Variants in TES observed in about 807,000 individuals in gnomAD.
TES encodes the protein testin.
Under a neutral mutation model 48.2 loss-of-function variants are expected in TES, and 41 were observed. That is an observed-to-expected ratio of 0.85 (90% CI 0.66 to 1.10). The LOEUF is 1.10. Among genes scored for constraint, TES ranks in the 50% least tolerant of loss-of-function variants. The pLI is 0.00. For missense variants in TES, 463 were observed against 515.1 expected (o/e 0.90, Z 0.98); for synonymous variants, 162 against 174.9 (o/e 0.93, Z 0.58).
chr7:116,255,240 G>T (rs1489764690), intron 6 of TES: 1 of 152,094 alleles, frequency 6.6e-6, no homozygotes, highest in African/African-American at 2.4e-5. Flanking sequence ...TACATCCTGT[G>T]TACAAATAAG....
At chr7:116,254,073 A>G (rs1373927473) in intron 6 of TES, among the ~76,000 whole-genome samples, 2 of 152,146 alleles carry the variant, frequency 1.3e-5, no homozygotes, top group South Asian at 2.1e-4. Context: ...TCAAATCACC[A>G]TGTAACCTGA....
chr7:116,218,434 T>C (rs1171883295), intron 1 of TES, among the ~76,000 whole-genome samples: 2 of 152,118 alleles, frequency 1.3e-5, no homozygotes, highest in African/African-American at 2.4e-5. Flanking sequence ...AAAATGACCA[T>C]GTAGATGTTA....
At position 116,251,882 on chromosome 7, in the gene TES, G is replaced by T; in HGVS notation, c.825G>T (p.Leu275=). 1 of 1,614,108 alleles carries T rather than the reference G, an allele frequency of 6.2e-7. No individual in the cohort carries two copies. Among genetic ancestry groups the T allele is most frequent in the Non-Finnish European group, 8.5e-7 (1 of 1,180,030 alleles). ...CFVCSTCHEL[L]VDMIYFWKNE... ...TCTGCAGCACCTGCCATGAACTCCT[G>T]GTTGACATGATTTATTTTTGGAAGA... is the stretch of plus-strand genomic sequence containing the variant. The change falls in exon 5 of 7, where the codon CTG becomes CTT. Residue 275 remains leucine, a synonymous_variant. Transcript: ENST00000358204.
rs774769804 is a variant in TES, at chr7:116,252,417, T to C, written c.1018T>C (p.Tyr340His). 33 of 1,614,116 alleles carry C rather than the reference T, an allele frequency of 2.0e-5. No individual in the cohort carries two copies. Among genetic ancestry groups the C allele is most frequent in the Non-Finnish European group, 2.4e-5 (28 of 1,180,040 alleles). ...DCDSILAGEI[Y>H]VMVNDKPVCK... ...TGATAGCATTCTAGCTGGGGAGATA[T>C]ACGTGATGGTCAATGACAAGCCCGT... Residue 340 changes from tyrosine to histidine, a missense_variant, in exon 6 of 7, where the codon TAC (tyrosine) becomes CAC (histidine). Transcript: ENST00000358204.
At chr7:116,231,179 C>A (rs896063210) in intron 1 of TES, among the ~76,000 whole-genome samples, 2 of 152,132 alleles carry the variant, frequency 1.3e-5, no homozygotes, top group Non-Finnish European at 2.9e-5. Flanking sequence ...CAAATTATCC[C>A]TCCTCTCTGG....
Position 116,248,696 on chromosome 7 carries a change from G to T in TES, c.114-324G>T, listed in dbSNP as rs1161236026. On this transcript the variant is annotated intron_variant, in intron 2 of 6. Transcript: ENST00000358204. ...AATATTAGACCTTTGTCAGTTGCAG[G>T]ATTTGCAAATATTTTCTTCCATTCT... is the stretch of plus-strand genomic sequence containing the variant. Among the ~76,000 whole-genome samples the T allele has an allele frequency of 2.0e-5, 3 of 151,994 alleles. No individual in the cohort carries two copies. In the South Asian group the frequency reaches 6.2e-4, roughly 32 times the overall value.
chr7:116,218,965 T>C (rs1483427470), intron 1 of TES, among the ~76,000 whole-genome samples: 2 of 152,162 alleles, frequency 1.3e-5, no homozygotes, highest in African/African-American at 4.8e-5. Flanking sequence ...CCTAATTGCC[T>C]ACTGTCAGTT....
intron 1 of TES, among the ~76,000 whole-genome samples, chr7:116,227,740 GCA>G (rs974620466): frequency 6.6e-6 from 1 of 151,932 alleles, no homozygotes; most frequent in East Asian, 1.9e-4. Flanking sequence ...AAACATGCAT[GCA>G]CACACACACT....
intron 1 of TES, among the ~76,000 whole-genome samples, chr7:116,229,678 G>A (rs552037970): frequency 6.6e-6 from 1 of 152,258 alleles, no homozygotes; most frequent in South Asian, 2.1e-4. Flanking sequence ...CTTATGAAGG[G>A]GAGAATAGCA....
In TES at chr7:116,210,739, G is replaced by C; in HGVS notation, c.27+5G>C. 4.0e-6 allele frequency: 5 copies of C among 1,244,482 alleles called. No homozygotes were observed. The Middle Eastern group carries it at 6.4e-4, about 158-fold the overall frequency. The allele number at this position is 1,244,482 out of a possible 1,614,324, so 77.1% of individuals were successfully genotyped here. On this transcript the variant is annotated splice_donor_5th_base_variant and intron_variant, in intron 1 of 6. Coordinates refer to ENST00000358204, the MANE Select transcript of TES (RefSeq NM_015641.4). ...CTGGAAAACAAAGTGAAGAAGGTAGGGGGGCGCTCGTGGCGGGCGGCGGCT... is the reference window on the plus strand; with the variant it reads ...CTGGAAAACAAAGTGAAGAAGGTAGCGGGGCGCTCGTGGCGGGCGGCGGCT...
At chr7:116,210,810 G>C (rs962418174) in intron 1 of TES, 76 bp downstream of exon 1, 7 of 1,200,292 alleles carry the variant, frequency 5.8e-6, no homozygotes, top group Non-Finnish European at 7.4e-6. Context: ...CGGAGGTGCC[G>C]AGGTGGGTGG....
chr7:116,216,067 G>T (rs535807340), intron 1 of TES, among the ~76,000 whole-genome samples: 1 of 152,062 alleles, frequency 6.6e-6, no homozygotes, highest in African/African-American at 2.4e-5. Flanking sequence ...GTTAGCATGC[G>T]ATCAACATCA....
At chr7:116,244,488 G>C (rs1216119409) in intron 2 of TES, among the ~76,000 whole-genome samples, 1 of 152,220 alleles carries the variant, frequency 6.6e-6, no homozygotes, top group Non-Finnish European at 1.5e-5. Flanking sequence ...CACATCCAGG[G>C]TGTGCTAATG....
chr7:116,227,291 A>ATT (rs754550815), intron 1 of TES, among the ~76,000 whole-genome samples: 5 of 137,392 alleles, frequency 3.6e-5, no homozygotes, highest in African/African-American at 8.1e-5. Flanking sequence ...TATTTTTTGT[A>ATT]TTTTTTTTTT....
intron 2 of TES, among the ~76,000 whole-genome samples, chr7:116,247,754 C>G (rs549537715): frequency 7.9e-5 from 12 of 152,302 alleles, no homozygotes; most frequent in Admixed American, 3.9e-4. Flanking sequence ...AAACTTAATT[C>G]AGTAATTTCC....
chr7:116,251,727 T>A lies in TES; in HGVS notation c.703-33T>A. On this transcript the variant is annotated intron_variant, in intron 4 of 6. Transcript: ENST00000358204. ...AAGAAAAGAAATGGCAGTCTTCTAA[T>A]GACTAGGTTGTTCTGGATGGCTTCC... 1.9e-6 allele frequency: 3 copies of A among 1,573,758 alleles called. No homozygotes were observed. In the East Asian group the frequency reaches 6.7e-5, roughly 35 times the overall value.
At chr7:116,220,881 G>A (rs1024507289) in intron 1 of TES, among the ~76,000 whole-genome samples, 1 of 152,130 alleles carries the variant, frequency 6.6e-6, no homozygotes, top group Non-Finnish European at 1.5e-5. Flanking sequence ...ATATCTTAAA[G>A]CACAAAGTAT....
chr7:116,210,875 CAGGGA>C, intron 1 of TES, 141 bp downstream of exon 1: 1 of 709,000 alleles, frequency 1.4e-6, no homozygotes, highest in Non-Finnish European at 2.0e-6. Flanking sequence ...GCCCCGGGCC[CAGGGA>C]CCTGGCCCCC....
In TES at chr7:116,258,150, T is replaced by A. The variant is rs977084509; in HGVS notation, c.*668T>A. 1 of 152,132 alleles carries A rather than the reference T, an allele frequency of 6.6e-6. No homozygotes were observed. The highest frequency in any genetic ancestry group is 2.4e-5 in the African/African-American group (1 of 41,426). 9.4% of individuals were successfully genotyped at this position (152,132 alleles called of 1,614,324 possible). ...ATCTGTGGCCTTGAATATTTTATTA[T>A]CACATGTGGCATAACAGTATCCACA... On this transcript the variant is annotated 3_prime_UTR_variant, in exon 7 of 7. Coordinates refer to ENST00000358204, the MANE Select transcript of TES (RefSeq NM_015641.4).
Sources: gnomAD v4.1 joint callset for allele counts (sites outside exome capture counted in the v4.1 genomes callset) on GRCh38, gnomAD v4.1.1 for gene constraint, MANE v1.5 for transcripts, NCBI Gene and HGNC (gene_info 2026-07-23, HGNC 2026-07-21) for gene names.